RP1: variants seen among roughly 807,000 people sequenced by gnomAD.
RP1 encodes oxygen-regulated protein 1.
Under a neutral mutation model 14.8 loss-of-function variants are expected in RP1, and 16 were observed. That is an observed-to-expected ratio of 1.08 (90% CI 0.73 to 1.65). The LOEUF (loss-of-function observed/expected upper bound fraction) is 1.65, where lower values mean the gene tolerates loss of function less well. Among genes scored for constraint, RP1 ranks in the 40% most tolerant of loss-of-function variants. RP1 has a pLI of 0.00. For synonymous variants in RP1, 876 were observed against 883.6 expected, an observed-to-expected ratio of 0.99 and a Z score of 0.15; for missense variants, 2,631 against 2,535.0, an observed-to-expected ratio of 1.04 and a Z score of -0.81.
chr8:54,668,893 A>G (rs1359488194), intron 7 of RP1, among the ~76,000 whole-genome samples: 2 of 152,202 alleles, frequency 1.3e-5, no homozygotes, highest in East Asian at 3.8e-4. Flanking sequence ...TGGGTTAAAG[A>G]CTTAAATGTT....
At chr8:54,724,972 A>G (rs1808620288) in intron 16 of RP1, among the ~76,000 whole-genome samples, 1 of 152,066 alleles carries the variant, frequency 6.6e-6, no homozygotes, top group African/African-American at 2.4e-5. Flanking sequence ...CTGGCACATT[A>G]ATTGTTTTCT....
intron 16 of RP1, among the ~76,000 whole-genome samples, chr8:54,722,559 C>T (rs536874709): frequency 6.6e-6 from 1 of 152,274 alleles, no homozygotes; most frequent in South Asian, 2.1e-4. Flanking sequence ...AAACTATCTA[C>T]ATATGATAGA....
At chr8:54,778,391 C>G (rs1810097630) in intron 23 of RP1, among the ~76,000 whole-genome samples, 1 of 140,686 alleles carries the variant, frequency 7.1e-6, no homozygotes, top group Non-Finnish European at 1.5e-5. Flanking sequence ...GTGACATGAT[C>G]TTGGCTCACT....
chr8:54,627,876 A>T lies in RP1; in HGVS notation c.3994A>T (p.Thr1332Ser), dbSNP rs1806116340. The T allele has an allele frequency of 1.2e-6, 2 of 1,614,140 alleles. No individual in the cohort carries two copies. The highest frequency in any genetic ancestry group is 1.7e-6 in the Non-Finnish European group (2 of 1,179,986). ...TGAGGGAGCTTGCCCAATTGATGAG[A>T]CCTACGTTCCTGTCAATGTCTGCAA... ...TYEGACPIDE[T>S]YVPVNVCNTI... is the part of the protein sequence containing the mutation. The change falls in exon 4 of 4, where the codon ACC (threonine) becomes TCC (serine). Residue 1332 changes from threonine (T) to serine (S), a missense_variant. Physicochemically the swap from Thr to Ser is moderately conservative, Grantham distance 58 (BLOSUM62 1). Transcript: ENST00000220676.
intron 19 of RP1, among the ~76,000 whole-genome samples, chr8:54,739,880 T>C (rs1809028955): frequency 6.6e-6 from 1 of 152,152 alleles, no homozygotes; most frequent in South Asian, 2.1e-4. Flanking sequence ...GTCACAGCTG[T>C]TGTAATGTCC....
chr8:54,678,485 T>G, exon 9 of RP1: 1 of 1,534,960 alleles, frequency 6.5e-7, no homozygotes, highest in Non-Finnish European at 8.7e-7. Context: ...CTTGATGATG[T>G]TGTTATCAAG....
intron 28 of RP1, among the ~76,000 whole-genome samples, chr8:54,868,185 A>G (rs577657843): frequency 2.4e-4 from 36 of 152,348 alleles, no homozygotes; most frequent in African/African-American, 7.2e-4. Flanking sequence ...CTGGCAATGC[A>G]GAGGAGTAGA....
At chr8:54,849,763 G>A (rs1276456717) in intron 25 of RP1, among the ~76,000 whole-genome samples, 2 of 152,152 alleles carry the variant, frequency 1.3e-5, no homozygotes, top group Non-Finnish European at 2.9e-5. Context: ...GAATGAATAA[G>A]TTAAAGAAAT....
intron 1 of RP1, among the ~76,000 whole-genome samples, chr8:54,606,601 T>C (rs1423282877): frequency 2.0e-5 from 3 of 152,218 alleles, no homozygotes; most frequent in Admixed American, 1.3e-4. Context: ...CCTTGCTAGA[T>C]TGGGGAAGTT....
chr8:54,735,249 A>C (rs1244999235), intron 18 of RP1, among the ~76,000 whole-genome samples: 2 of 152,198 alleles, frequency 1.3e-5, no homozygotes, highest in African/African-American at 4.8e-5. Flanking sequence ...AGCTTTGCCC[A>C]TGCCCATTTC....
intron 14 of RP1, among the ~76,000 whole-genome samples, chr8:54,703,117 C>T (rs1394977178): frequency 6.6e-6 from 1 of 152,142 alleles, no homozygotes; most frequent in Non-Finnish European, 1.5e-5. Flanking sequence ...CCTCCTATCC[C>T]CATGAATCAT....
chr8:54,604,477 A>G (rs926691740), intron 1 of RP1, among the ~76,000 whole-genome samples: 2 of 152,194 alleles, frequency 1.3e-5, no homozygotes, highest in African/African-American at 4.8e-5. Context: ...GATGTTCATC[A>G]GGGATATCGG....
chr8:54,611,661 A>G (rs779536721), upstream of RP1, among the ~76,000 whole-genome samples: 2 of 152,042 alleles, frequency 1.3e-5, no homozygotes, highest in Non-Finnish European at 2.9e-5. Context: ...GTTGTTTTAT[A>G]GTCTTTGTCT....
intron 7 of RP1, among the ~76,000 whole-genome samples, chr8:54,669,229 C>T (rs181253537): frequency 3.6e-3 from 545 of 152,156 alleles, no homozygotes; most frequent in Non-Finnish European, 5.7e-3. Flanking sequence ...TATGAACAGA[C>T]GCTTATCAAA....
chr8:54,628,546 GAGAAACTA>G lies in RP1; in HGVS notation c.4668_4675del (p.Glu1556AspfsTer20). 1 of 1,613,944 alleles carries G rather than the reference GAGAAACTA, an allele frequency of 6.2e-7. No homozygotes were observed. The highest frequency in any genetic ancestry group is 1.3e-5 in the African/African-American group (1 of 75,034). On this transcript the variant is annotated frameshift_variant, in exon 4 of 4. Coordinates refer to ENST00000220676, the MANE Select transcript of RP1 (RefSeq NM_006269.2). LOFTEE classifies it low-confidence loss of function (END_TRUNC). ...AATAGTGAAAAGGAGACCAATGAAGGAGAAACTAAGATGGTAAAAATGATGGTGAAAAC... is the reference window on the plus strand; with the variant it reads ...AATAGTGAAAAGGAGACCAATGAAGGAGATGGTAAAAATGATGGTGAAAAC...
In RP1 at chr8:54,755,712, ACT is replaced by A. The variant is rs1331739173; in HGVS notation, c.3038_3039del (p.Ser1013TrpfsTer9). 3.9e-6 allele frequency: 6 copies of A among 1,535,472 alleles called. No individual in the cohort carries two copies. Among genetic ancestry groups the A allele is most frequent in the Non-Finnish European group, 5.2e-6 (6 of 1,146,614 alleles). ...CTCTGTCTCTTTGGGGAGAGGGGAG[ACT>A]CTGGCCTCAGACAGCTGTACAAATC... On this transcript the variant is annotated frameshift_variant, in exon 21 of 23. Transcript: ENST00000636932. LOFTEE classifies it high-confidence loss of function.
intron 28 of RP1, among the ~76,000 whole-genome samples, chr8:54,868,231 A>G (rs145804222): frequency 6.6e-6 from 1 of 152,334 alleles, no homozygotes; most frequent in East Asian, 1.9e-4. Context: ...ATTTTAGAAT[A>G]ATCACAAACC....
intron 3 of RP1, among the ~76,000 whole-genome samples, chr8:54,647,345 C>G (rs958552698): frequency 1.1e-4 from 17 of 152,126 alleles, no homozygotes; most frequent in Admixed American, 1.1e-3. Context: ...ACCCAGGATA[C>G]AGAGGTTGCC....
At chr8:54,660,993 A>G (rs1474598410) in intron 6 of RP1, among the ~76,000 whole-genome samples, 2 of 151,728 alleles carry the variant, frequency 1.3e-5, no homozygotes, top group African/African-American at 2.4e-5. Flanking sequence ...GTTTTTAAAA[A>G]AGGAAAAATG....
Sources: allele counts gnomAD v4.1 joint callset (sites outside exome capture counted in the v4.1 genomes callset), GRCh38; gene constraint gnomAD v4.1.1; transcripts MANE v1.5; gene names NCBI Gene and HGNC (gene_info 2026-07-23, HGNC 2026-07-21).